ARL5A: variants seen among roughly 807,000 people sequenced by gnomAD.
ARL5A encodes ADP-ribosylation factor-like protein 5A.
Under a neutral mutation model 25.9 loss-of-function variants are expected in ARL5A, and 18 were observed. That is an observed-to-expected ratio of 0.69 (90% CI 0.48 to 1.03). The LOEUF (loss-of-function observed/expected upper bound fraction) is 1.03, where lower values mean the gene tolerates loss of function less well. Ranked by LOEUF, ARL5A falls within the 50% of genes least tolerant of loss-of-function variation. The probability of loss-of-function intolerance (pLI) is 0.00; values close to 1 mark genes in which losing one functional copy is unlikely to be tolerated. For missense variants in ARL5A, 170 were observed against 211.9 expected (o/e 0.80, Z 1.23); for synonymous variants, 61 against 67.5 (o/e 0.90, Z 0.47).
At chr2:151,808,220 G>T (rs956014428) in intron 4 of ARL5A, among the ~76,000 whole-genome samples, 1 of 152,164 alleles carries the variant, frequency 6.6e-6, no homozygotes, top group African/African-American at 2.4e-5. Context: ...CATATTAAGA[G>T]ATATAAAATT....
intron 4 of ARL5A, among the ~76,000 whole-genome samples, chr2:151,809,738 C>T (rs2099830572): frequency 6.6e-6 from 1 of 152,180 alleles, no homozygotes; most frequent in Middle Eastern, 3.2e-3. Context: ...AATTGCAAGA[C>T]ACATTTACTT....
At chr2:151,813,488 A>C (rs1402369848) in intron 3 of ARL5A, among the ~76,000 whole-genome samples, 1 of 152,254 alleles carries the variant, frequency 6.6e-6, no homozygotes, top group Non-Finnish European at 1.5e-5. Context: ...CTTATTAAAA[A>C]ATGATTAAAT....
Position 151,808,992 on chromosome 2 carries a change from G to A in ARL5A, c.340-2020C>T, listed in dbSNP as rs891604550. ...GAACCCAAGAGGTGGAGGTTGCAGC[G>A]AGCAAAGATAGCGCCACTGCACTCC... On this transcript the variant is annotated intron_variant, in intron 4 of 5. Coordinates refer to ENST00000295087, the MANE Select transcript of ARL5A (RefSeq NM_012097.4). Among the ~76,000 whole-genome samples, 8 of 152,198 alleles carry A rather than the reference G, an allele frequency of 5.3e-5. No homozygotes were observed. The East Asian group carries it at 5.8e-4, about 11-fold the overall frequency.
At chr2:151,807,668 A>G (rs1278131482) in intron 4 of ARL5A, among the ~76,000 whole-genome samples, 1 of 152,200 alleles carries the variant, frequency 6.6e-6, no homozygotes, top group African/African-American at 2.4e-5. Context: ...AACCAATCCT[A>G]TTCACCCTAA....
At chr2:151,821,789 CTTTTTTTTTTTTTTTTTT>C (rs1486208068) in intron 1 of ARL5A, among the ~76,000 whole-genome samples, 1,875 of 90,178 alleles carry the variant, frequency 0.021, 50 homozygotes, top group African/African-American at 0.064. Context: ...TTTTTTTTTT[CTTTTTTTTTTTTTTTTTT>C]GAGACGGAGT....
intron 3 of ARL5A, among the ~76,000 whole-genome samples, chr2:151,813,337 GGT>G (rs2099831098): frequency 6.6e-6 from 1 of 152,154 alleles, no homozygotes; most frequent in African/African-American, 2.4e-5. Flanking sequence ...CTTACTGATA[GGT>G]GGCTTTATCA....
At chr2:151,821,785 T>C (rs1309351312) in intron 1 of ARL5A, among the ~76,000 whole-genome samples, 2 of 95,792 alleles carry the variant, frequency 2.1e-5, no homozygotes, top group Non-Finnish European at 4.0e-5. Flanking sequence ...CTTTTTTTTT[T>C]TTTCTTTTTT....
Position 151,801,731 on chromosome 2 carries a change from T to C in ARL5A, c.*1545A>G, listed in dbSNP as rs2099829443. The C allele has an allele frequency of 6.6e-6, 1 of 152,132 alleles. No individual in the cohort carries two copies. Among genetic ancestry groups the C allele is most frequent in the South Asian group, 2.1e-4 (1 of 4,830 alleles). The allele number at this position is 152,132 out of a possible 1,614,324, so 9.4% of individuals were successfully genotyped here. A position where few individuals can be genotyped will look rare whatever the true frequency, so the allele number is the denominator to read the frequency against. ...TTGTCAATACTTAAACTATATACTA[T>C]TATTCCTCACCAAAATCTTCATGAA... On this transcript the variant is annotated 3_prime_UTR_variant, in exon 6 of 6. Coordinates refer to ENST00000295087, the MANE Select transcript of ARL5A (RefSeq NM_012097.4).
At chr2:151,819,767 ACT>A (rs1369856538) in intron 1 of ARL5A, among the ~76,000 whole-genome samples, 1 of 150,910 alleles carries the variant, frequency 6.6e-6, no homozygotes, top group Non-Finnish European at 1.5e-5. Flanking sequence ...AAAAAAAAAG[ACT>A]CTTAGGCCAG....
chr2:151,813,256 A>T (rs1204660261), intron 3 of ARL5A, among the ~76,000 whole-genome samples: 1 of 152,208 alleles, frequency 6.6e-6, no homozygotes, highest in Non-Finnish European at 1.5e-5. Flanking sequence ...CTTTTCAATT[A>T]TTCAGACTTC....
At chr2:151,822,760 A>G (rs796900165) in intron 1 of ARL5A, among the ~76,000 whole-genome samples, 4 of 152,338 alleles carry the variant, frequency 2.6e-5, no homozygotes, top group African/African-American at 9.6e-5. Flanking sequence ...ATTTACTCAA[A>G]TAAGCCACAA....
Position 151,814,322 on chromosome 2 carries a change from G to A in ARL5A, c.108-6C>T. 1 of 1,519,554 alleles carries A rather than the reference G, an allele frequency of 6.6e-7. No homozygotes were observed. Among genetic ancestry groups the A allele is most frequent in the Non-Finnish European group, 8.8e-7 (1 of 1,137,938 alleles). The allele number at this position is 1,519,554 out of a possible 1,614,324, so 94.1% of individuals were successfully genotyped here. A position where few individuals can be genotyped will look rare whatever the true frequency, so the allele number is the denominator to read the frequency against. ...GTACAACTTCATTCATAGAACTGGG[G>A]AAAAAAGTTTATATACATTACAATT... On this transcript the variant is annotated splice_region_variant and splice_polypyrimidine_tract_variant and intron_variant, in intron 2 of 5. Coordinates refer to ENST00000295087, the MANE Select transcript of ARL5A (RefSeq NM_012097.4).
At position 151,801,712 on chromosome 2, in the gene ARL5A, A is replaced by G. The variant is rs976700786; in HGVS notation, c.*1564T>C. The G allele has an allele frequency of 2.6e-5, 4 of 152,136 alleles. No homozygotes were observed. The highest frequency in any genetic ancestry group is 9.6e-5 in the African/African-American group (4 of 41,454). 9.4% of individuals were successfully genotyped at this position (152,136 alleles called of 1,614,324 possible). ...GAAAGAAACTTTCAAAGTTTTGTCAATACTTAAACTATATACTATTATTCC... is the reference window on the plus strand; with the variant it reads ...GAAAGAAACTTTCAAAGTTTTGTCAGTACTTAAACTATATACTATTATTCC... On this transcript the variant is annotated 3_prime_UTR_variant, in exon 6 of 6. Coordinates refer to ENST00000295087, the MANE Select transcript of ARL5A (RefSeq NM_012097.4).
At chr2:151,823,104 C>G (rs1159651334) in intron 1 of ARL5A, among the ~76,000 whole-genome samples, 1 of 152,158 alleles carries the variant, frequency 6.6e-6, no homozygotes, top group South Asian at 2.1e-4. Context: ...TACCTCATAT[C>G]TGAACTATCA....
chr2:151,807,078 T>C (rs889512423), intron 4 of ARL5A, 106 bp from the exon 5 acceptor site: 12 of 1,049,838 alleles, frequency 1.1e-5, no homozygotes, highest in Non-Finnish European at 1.5e-5. Context: ...ATTTCTCAAC[T>C]ATGTGACATA....
At chr2:151,816,102 C>T (rs2099831467) in intron 1 of ARL5A, among the ~76,000 whole-genome samples, 2 of 152,158 alleles carry the variant, frequency 1.3e-5, no homozygotes, top group Admixed American at 1.3e-4. Context: ...ATTTCTGAGC[C>T]TAAATCATCA....
intron 1 of ARL5A, among the ~76,000 whole-genome samples, chr2:151,825,445 T>G (rs2099832922): frequency 6.6e-6 from 1 of 152,104 alleles, no homozygotes; most frequent in African/African-American, 2.4e-5. Flanking sequence ...TCAGGGGAAA[T>G]AACTACTTCA....
At position 151,801,748 on chromosome 2, in the gene ARL5A, C is replaced by T. The variant is rs1227587910; in HGVS notation, c.*1528G>A. ...ATATACTATTATTCCTCACCAAAAT[C>T]TTCATGAAATTTAAAAGGCTGATAT... On this transcript the variant is annotated 3_prime_UTR_variant, in exon 6 of 6. Coordinates refer to ENST00000295087, the MANE Select transcript of ARL5A (RefSeq NM_012097.4). 1.3e-5 allele frequency: 2 copies of T among 151,974 alleles called. No homozygotes were observed. Among genetic ancestry groups the T allele is most frequent in the African/African-American group, 4.8e-5 (2 of 41,396 alleles). 9.4% of individuals were successfully genotyped at this position (151,974 alleles called of 1,614,324 possible).
At chr2:151,828,054 G>A (rs2099833327) in intron 1 of ARL5A, 77 bp downstream of exon 1, 3 of 1,488,644 alleles carry the variant, frequency 2.0e-6, no homozygotes, top group South Asian at 2.3e-5. Flanking sequence ...ACATTCCGAA[G>A]TATTCGGAGA....
Sources: allele counts gnomAD v4.1 joint callset (sites outside exome capture counted in the v4.1 genomes callset), GRCh38; gene constraint gnomAD v4.1.1; transcripts MANE v1.5; gene names NCBI Gene and HGNC (gene_info 2026-07-23, HGNC 2026-07-21).